Variants in TBC1D22A observed in about 807,000 individuals in gnomAD.
The protein encoded by TBC1D22A is TBC1 domain family member 22A.
A neutral mutation model predicts 60.2 loss-of-function variants in TBC1D22A; 38 were observed. The ratio of observed to expected loss-of-function variants is 0.63; its 90% CI spans 0.49 to 0.83. The LOEUF (loss-of-function observed/expected upper bound fraction) is 0.83. Among genes scored for constraint, TBC1D22A ranks in the 40% least tolerant of loss-of-function variants. The pLI is 0.00. For synonymous variants in TBC1D22A, 302 were observed against 281.7 expected, an observed-to-expected ratio of 1.07 and a Z score of -0.72; for missense variants, 628 against 701.0, an observed-to-expected ratio of 0.90 and a Z score of 1.18.
In TBC1D22A at chr22:47,088,589, C is replaced by G. The variant is rs73473682; in HGVS notation, c.1330-22919C>G. On this transcript the variant is annotated intron_variant, in intron 11 of 12. Coordinates refer to ENST00000337137, the MANE Select transcript of TBC1D22A (RefSeq NM_014346.5). Reference sequence around the variant, plus strand: ...GTCAAGAAAGTATTCTATTTTCCTGCTAATCAAATTTTTTTTTTTGACGGC... The same window carrying G: ...GTCAAGAAAGTATTCTATTTTCCTGGTAATCAAATTTTTTTTTTTGACGGC... 8.8e-3 allele frequency among the ~76,000 whole-genome samples: 1,339 copies of G among 152,196 alleles called. 12 individuals carry two copies. Among genetic ancestry groups the G allele is most frequent in the African/African-American group, 0.031 (1,278 of 41,504 alleles).
chr22:47,165,347 T>C (rs2068161356), intron 12 of TBC1D22A, among the ~76,000 whole-genome samples: 1 of 152,108 alleles, frequency 6.6e-6, no homozygotes, highest in Non-Finnish European at 1.5e-5. Flanking sequence ...TAGAGGGCAG[T>C]GGTCATGATG....
chr22:46,922,806 C>G (rs945011483), intron 8 of TBC1D22A, among the ~76,000 whole-genome samples: 1 of 152,158 alleles, frequency 6.6e-6, no homozygotes, highest in Non-Finnish European at 1.5e-5. Flanking sequence ...TTTACTGAAG[C>G]TATCAGATCT....
intron 4 of TBC1D22A, among the ~76,000 whole-genome samples, chr22:46,876,919 A>C (rs2067595136): frequency 6.6e-6 from 1 of 152,244 alleles, no homozygotes. Flanking sequence ...CCCATTCAGC[A>C]TGTGGGTAAA....
At chr22:46,792,105 A>T (rs1352501220) in intron 1 of TBC1D22A, among the ~76,000 whole-genome samples, 1 of 152,260 alleles carries the variant, frequency 6.6e-6, no homozygotes, top group African/African-American at 2.4e-5. Context: ...GCAATTCTGC[A>T]TTCAATTTCA....
intron 1 of TBC1D22A, among the ~76,000 whole-genome samples, chr22:46,784,288 C>T (rs551395437): frequency 5.3e-5 from 8 of 152,190 alleles, no homozygotes; most frequent in African/African-American, 1.7e-4. Flanking sequence ...AAGTGATCCG[C>T]CTGCCTGGTC....
chr22:47,075,878 T>G (rs1020467315), intron 11 of TBC1D22A, among the ~76,000 whole-genome samples: 3 of 151,962 alleles, frequency 2.0e-5, no homozygotes, highest in Non-Finnish European at 2.9e-5. Context: ...AAATCATGAC[T>G]AAAGAAAGTT....
At chr22:46,767,004 G>A (rs2083312072) in intron 1 of TBC1D22A, among the ~76,000 whole-genome samples, 1 of 152,176 alleles carries the variant, frequency 6.6e-6, no homozygotes. Flanking sequence ...TGTCAGTACC[G>A]ATACCTGGTG....
At chr22:46,995,544 G>A (rs528625863) in intron 9 of TBC1D22A, among the ~76,000 whole-genome samples, 33 of 152,100 alleles carry the variant, frequency 2.2e-4, no homozygotes, top group Middle Eastern at 3.4e-3. Flanking sequence ...AGAGAGAAAC[G>A]TAGAGAGTGC....
chr22:47,170,244 T>G (rs114009323), intron 12 of TBC1D22A, among the ~76,000 whole-genome samples: 1,612 of 152,304 alleles, frequency 0.011, 23 homozygotes, highest in African/African-American at 0.037. Context: ...CCTGGCGGAC[T>G]AAATTAGATT....
chr22:47,018,766 C>T lies in TBC1D22A; in HGVS notation c.1202-18305C>T, dbSNP rs1240020411. Among the ~76,000 whole-genome samples, 4 of 152,092 alleles carry T rather than the reference C, an allele frequency of 2.6e-5. No individual in the cohort carries two copies. The East Asian group carries it at 7.7e-4, about 29-fold the overall frequency. On this transcript the variant is annotated intron_variant, in intron 10 of 12. Transcript: ENST00000337137. ...ATGAGGAGTGGGTCCTGGTGGTGGG[C>T]GGGGCCAAGGCTGCTGAAAATGGAG...
intron 12 of TBC1D22A, among the ~76,000 whole-genome samples, chr22:47,151,744 G>A (rs942449185): frequency 1.4e-4 from 21 of 152,220 alleles, no homozygotes; most frequent in African/African-American, 5.1e-4. Context: ...GAAGCCCTGC[G>A]TCTGCTCTGG....
intron 10 of TBC1D22A, among the ~76,000 whole-genome samples, chr22:47,032,569 G>C (rs1260993362): frequency 6.6e-6 from 1 of 152,228 alleles, no homozygotes; most frequent in Non-Finnish European, 1.5e-5. Flanking sequence ...CTCGCCTGAA[G>C]CCTCCTGTGT....
At chr22:46,874,116 G>C (rs2067423013) in intron 4 of TBC1D22A, among the ~76,000 whole-genome samples, 1 of 151,896 alleles carries the variant, frequency 6.6e-6, no homozygotes, top group African/African-American at 2.4e-5. Context: ...GGCCAATCTT[G>C]TTTCTTTTTA....
At chr22:47,139,129 G>T (rs909062361) in intron 12 of TBC1D22A, among the ~76,000 whole-genome samples, 12 of 152,350 alleles carry the variant, frequency 7.9e-5, no homozygotes, top group African/African-American at 2.9e-4. Flanking sequence ...GTCCCACCCT[G>T]AGCCTTTGCG....
At chr22:46,769,631 T>C (rs757893896) in intron 1 of TBC1D22A, among the ~76,000 whole-genome samples, 12 of 151,680 alleles carry the variant, frequency 7.9e-5, no homozygotes, top group Non-Finnish European at 1.6e-4. Flanking sequence ...AGCGCTTGAC[T>C]GGGGAGGAGG....
chr22:46,903,763 C>CCT (rs2069183229), intron 7 of TBC1D22A, among the ~76,000 whole-genome samples: 2 of 152,152 alleles, frequency 1.3e-5, no homozygotes, highest in African/African-American at 4.8e-5. Context: ...AAAGGAATCT[C>CCT]CTTGAAGAGA....
intron 4 of TBC1D22A, among the ~76,000 whole-genome samples, chr22:46,874,774 A>G (rs1215104176): frequency 4.0e-5 from 6 of 151,848 alleles, no homozygotes; most frequent in Non-Finnish European, 7.4e-5. Flanking sequence ...GGATTTCACC[A>G]TGTTGCCCAG....
At chr22:47,125,223 C>G (rs2066413125) in intron 12 of TBC1D22A, among the ~76,000 whole-genome samples, 1 of 152,196 alleles carries the variant, frequency 6.6e-6, no homozygotes. Context: ...CTGGGTTCCT[C>G]CTCACACTTC....
intron 11 of TBC1D22A, among the ~76,000 whole-genome samples, chr22:47,108,661 C>G (rs767470708): frequency 6.6e-6 from 1 of 152,196 alleles, no homozygotes; most frequent in Non-Finnish European, 1.5e-5. Flanking sequence ...CAAAACTTAT[C>G]AAATTATAAA....
Sources: gnomAD v4.1 joint callset for allele counts (sites outside exome capture counted in the v4.1 genomes callset) on GRCh38, gnomAD v4.1.1 for gene constraint, MANE v1.5 for transcripts, NCBI Gene and HGNC (gene_info 2026-07-23, HGNC 2026-07-21) for gene names.